Variants in MCRS1 observed in about 807,000 individuals in gnomAD.
MCRS1 encodes microspherule protein 1, also known as 58 kDa microspherule protein.
In MCRS1, 22 loss-of-function variants were observed where a neutral mutation model predicts 62.9. The ratio of observed to expected loss-of-function variants is 0.35; its 90% CI spans 0.25 to 0.50. The LOEUF (loss-of-function observed/expected upper bound fraction) is 0.50, where lower values mean the gene tolerates loss of function less well. Ranked by LOEUF, MCRS1 falls within the 20% of genes least tolerant of loss-of-function variation. MCRS1 has a pLI of 0.98. For synonymous variants in MCRS1, 244 were observed against 233.5 expected (o/e 1.04, Z -0.41); for missense variants, 456 against 601.1 (o/e 0.76, Z 2.52).
intron 7 of MCRS1, 79 bp from the exon 8 acceptor site, chr12:49,563,218 C>T: frequency 4.6e-6 from 7 of 1,528,004 alleles, no homozygotes; most frequent in Non-Finnish European, 6.2e-6. Context: ...TACCTCCCAC[C>T]TCAGCATCCC....
chr12:49,562,760 T>C (rs1938836108), intron 8 of MCRS1, among the ~76,000 whole-genome samples: 1 of 152,244 alleles, frequency 6.6e-6, no homozygotes, highest in South Asian at 2.1e-4. Context: ...AACTCCGCTA[T>C]TTGGACCTTT....
rs371271236 is a variant in MCRS1, at chr12:49,561,862, C to T, written c.805+1139G>A. On this transcript the variant is annotated intron_variant, in intron 8 of 14. Transcript: ENST00000343810. ...CAGGCTGGTCTTGAACTCCTGACTT[C>T]GTGCCTCGGCCTCCCAAAGTGCTGG... 6.6e-5 allele frequency among the ~76,000 whole-genome samples: 10 copies of T among 152,316 alleles called. No homozygotes were observed. In the East Asian group the frequency reaches 1.3e-3, roughly 21 times the overall value.
intron 8 of MCRS1, among the ~76,000 whole-genome samples, chr12:49,561,938 A>C (rs1938791096): frequency 6.6e-6 from 1 of 152,212 alleles, no homozygotes; most frequent in Non-Finnish European, 1.5e-5. Context: ...AATAGTGACA[A>C]AGGAACTAGC....
chr12:49,559,997 G>C lies in MCRS1; in HGVS notation c.882-30C>G, dbSNP rs765610019. The C allele has an allele frequency of 6.2e-7, 1 of 1,614,070 alleles. No homozygotes were observed. Among genetic ancestry groups the C allele is most frequent in the Non-Finnish European group, 8.5e-7 (1 of 1,179,976 alleles). On this transcript the variant is annotated intron_variant, in intron 9 of 14. Transcript: ENST00000343810. This position sits in a 1 kb window ranked among gnomAD's most constrained non-coding sequence, Gnocchi z 5.2. ...GGGGCAAGAAGAGAAGGAAGATTTA[G>C]GTCCACCTTCAGCTTGCCTGTTACT... is the stretch of plus-strand genomic sequence containing the variant.
chr12:49,563,085 C>A lies in MCRS1; in HGVS notation c.721G>T (p.Ala241Ser). 3 of 1,570,018 alleles carry A rather than the reference C, an allele frequency of 1.9e-6. No homozygotes were observed. The highest frequency in any genetic ancestry group is 2.6e-6 in the Non-Finnish European group (3 of 1,155,656). The stretch of plus-strand genomic sequence containing the variant: ...TTCGCGGTACGGGCCAGGTAGAAGG[C>A]ATCAGGGTGTCTGTGCAGCAGGTCC... Reference protein sequence around the residue: ...FQDLLHRHPDAFYLARTAKAL... With the variant: ...FQDLLHRHPDSFYLARTAKAL... The change falls in exon 8 of 15, where the codon GCC (alanine) becomes TCC (serine). Residue 241 changes from alanine (A) to serine (S), a missense_variant. This residue lies in a region of MCRS1 where 393 missense variants were observed against 523.5 expected (regional missense o/e 0.75). Coordinates refer to ENST00000343810, the MANE Select transcript of MCRS1 (RefSeq NM_006337.5).
In MCRS1 at chr12:49,558,846, C is replaced by T. The variant is rs776835006; in HGVS notation, c.1299G>A (p.Val433=). The T allele has an allele frequency of 3.2e-5, 52 of 1,613,100 alleles. No homozygotes were observed. The highest frequency in any genetic ancestry group is 4.2e-5 in the Non-Finnish European group (49 of 1,180,040). The change falls in exon 14 of 15, where the codon GTG becomes GTA. Residue 433 remains valine, a synonymous_variant. Transcript: ENST00000343810. Reference sequence around the variant, plus strand: ...TCCTGCCTCCTCCCCAGCTCACCTCCACCACAGAGTTGTTGCTGAGGCGCC... The same window carrying T: ...TCCTGCCTCCTCCCCAGCTCACCTCTACCACAGAGTTGTTGCTGAGGCGCC... The part of the protein sequence containing the change: ...SKWRLSNNSV[V]EIASLRFVFL...
At chr12:49,560,219 T>A in intron 9 of MCRS1, 76 bp downstream of exon 9, 1 of 1,502,974 alleles carries the variant, frequency 6.7e-7, no homozygotes, top group Non-Finnish European at 9.3e-7. Flanking sequence ...GGGCTGGGGC[T>A]GGGCAGCCTG....
intron 6 of MCRS1, among the ~76,000 whole-genome samples, chr12:49,563,754 C>T (rs1261518094): frequency 6.6e-6 from 1 of 152,182 alleles, no homozygotes; most frequent in Non-Finnish European, 1.5e-5. Context: ...AACGGAGGCC[C>T]CTATGTCCCC....
chr12:49,562,492 C>T (rs990514300), intron 8 of MCRS1, among the ~76,000 whole-genome samples: 2 of 152,094 alleles, frequency 1.3e-5, no homozygotes, highest in Non-Finnish European at 1.5e-5. Flanking sequence ...GGCCTGAGGG[C>T]AGCTTGACAG....
At chr12:49,565,956 C>T in intron 3 of MCRS1, 121 bp downstream of exon 3, 10 of 1,391,650 alleles carry the variant, frequency 7.2e-6, no homozygotes, top group Non-Finnish European at 9.8e-6. Flanking sequence ...CAAGGCTCTG[C>T]CAATACTAAG....
chr12:49,564,469 G>A lies in MCRS1; in HGVS notation c.557+12C>T. ...CAGTACCTCCCCACTGCTGGAACCAGCTCCCACTCACTTGGAGATGACAGG... is the reference window on the plus strand; with the variant it reads ...CAGTACCTCCCCACTGCTGGAACCAACTCCCACTCACTTGGAGATGACAGG... On this transcript the variant is annotated intron_variant, in intron 6 of 14. Transcript: ENST00000343810. 1.9e-6 allele frequency: 3 copies of A among 1,604,292 alleles called. No individual in the cohort carries two copies. The South Asian group carries it at 3.3e-5, about 18-fold the overall frequency.
chr12:49,558,532 C>G lies in MCRS1; in HGVS notation c.*111G>C. On this transcript the variant is annotated 3_prime_UTR_variant, in exon 15 of 15. Coordinates refer to ENST00000343810, the MANE Select transcript of MCRS1 (RefSeq NM_006337.5). ...AAAGGCTCAAATCAATGGCCCGCAG[C>G]TGAGCCTCCCACTGCCCAGGTTTTT... 9.0e-7 allele frequency: 1 copy of G among 1,109,864 alleles called. No homozygotes were observed. The highest frequency in any genetic ancestry group is 1.3e-6 in the Non-Finnish European group (1 of 766,534). 68.8% of individuals were successfully genotyped at this position (1,109,864 alleles called of 1,614,324 possible). A position where few individuals can be genotyped will look rare whatever the true frequency, so the allele number is the denominator to read the frequency against.
At chr12:49,563,569 G>A in intron 6 of MCRS1, 23 bp from the exon 7 acceptor site, 1 of 1,577,112 alleles carries the variant, frequency 6.3e-7, no homozygotes, top group Non-Finnish European at 8.7e-7. Flanking sequence ...AGAGACAGAG[G>A]GGAGGGGTGA....
chr12:49,564,701 G>A (rs1555200365), intron 5 of MCRS1, 36 bp downstream of exon 5: 8 of 1,601,966 alleles, frequency 5.0e-6, no homozygotes, highest in East Asian at 2.2e-5. Flanking sequence ...GAGGTTGGGG[G>A]AAAGGGGCAC....
intron 6 of MCRS1, 139 bp downstream of exon 6, chr12:49,564,342 C>G: frequency 1.5e-6 from 1 of 659,308 alleles, no homozygotes; most frequent in East Asian, 2.8e-5. Context: ...CCTCTCAGGC[C>G]TCAGTATCAC....
intron 8 of MCRS1, among the ~76,000 whole-genome samples, chr12:49,561,703 C>T (rs1190061279): frequency 6.6e-6 from 1 of 152,210 alleles, no homozygotes; most frequent in Non-Finnish European, 1.5e-5. Context: ...GATCTTGGCT[C>T]ACTGCAACCT....
Position 49,563,557 on chromosome 12 carries a change from A to AT in MCRS1, c.558-12_558-11insA. The AT allele has an allele frequency of 6.3e-7, 1 of 1,599,972 alleles. No homozygotes were observed. Among genetic ancestry groups the AT allele is most frequent in the Non-Finnish European group, 8.5e-7 (1 of 1,172,590 alleles). On this transcript the variant is annotated splice_polypyrimidine_tract_variant and intron_variant, in intron 6 of 14. Transcript: ENST00000343810. Reference sequence around the variant, plus strand: ...GCCTGACAGGCCAACCTGGACACGGAAAGAGACAGAGGGGAGGGGTGAAGG... The same window carrying AT: ...GCCTGACAGGCCAACCTGGACACGGATAAGAGACAGAGGGGAGGGGTGAAGG...
chr12:49,565,812 C>T, intron 3 of MCRS1, 145 bp from the exon 4 acceptor site: 1 of 1,224,154 alleles, frequency 8.2e-7, no homozygotes, highest in Non-Finnish European at 1.2e-6. Flanking sequence ...CTGGTTGTGG[C>T]CATGGAACTG....
rs149885571 is a variant in MCRS1, at chr12:49,558,891, C to T, written c.1254G>A (p.Pro418=). The T allele has an allele frequency of 2.4e-4, 389 of 1,613,018 alleles. 1 individual carries two copies. The Middle Eastern group carries it at 2.5e-3, about 10-fold the overall frequency. The part of the protein sequence containing the change: ...GRRPIYIDGR[P]VLCGSKWRLS... ...GGCGCCATTTGGAGCCACAGAGCAC[C>T]GGCCGTCCATCGATGTAGATGGGCC... Residue 418 remains proline (P), a synonymous_variant, in exon 14 of 15, where the codon CCG becomes CCA. Transcript: ENST00000343810.
Sources: allele counts gnomAD v4.1 joint callset (sites outside exome capture counted in the v4.1 genomes callset), GRCh38; gene constraint gnomAD v4.1.1; regional missense constraint gnomAD v4.1.1; non-coding constraint Gnocchi (gnomAD v3.1); transcripts MANE v1.5; gene names NCBI Gene and HGNC (gene_info 2026-07-23, HGNC 2026-07-21).